Variants in PTGIR observed in about 807,000 individuals in gnomAD.
The protein encoded by PTGIR is prostaglandin I2 receptor, also known as prostacyclin receptor.
In PTGIR, 16 loss-of-function variants were observed where a neutral mutation model predicts 17.6. The observed-to-expected ratio is 0.91, with a 90% CI of 0.61 to 1.38. The LOEUF is 1.38. Ranked by LOEUF, PTGIR falls within the 40% of genes most tolerant of loss-of-function variation. The probability of loss-of-function intolerance (pLI) is 0.00; values close to 1 mark genes in which losing one functional copy is unlikely to be tolerated. For synonymous variants in PTGIR, 274 were observed against 255.4 expected, an observed-to-expected ratio of 1.07 and a Z score of -0.69; for missense variants, 532 against 548.6, an observed-to-expected ratio of 0.97 and a Z score of 0.30.
At chr19:46,618,767 G>A (rs188606029), downstream of PTGIR, among the ~76,000 whole-genome samples, 26 of 152,166 alleles carry the variant, frequency 1.7e-4, no homozygotes, top group African/African-American at 6.3e-4. Context: ...ACCCCAAAGG[G>A]GAACCCCAAG....
At chr19:46,611,390 C>A in the PTGIR span, among the ~76,000 whole-genome samples, 1 of 152,170 alleles carries the variant, frequency 6.6e-6, no homozygotes, top group Non-Finnish European at 1.5e-5. Flanking sequence ...TTTAGTCTCA[C>A]AGGCAGCCAA....
downstream of PTGIR, chr19:46,620,362 A>T (rs528922729): frequency 9.8e-5 from 90 of 920,902 alleles, no homozygotes; most frequent in South Asian, 3.7e-3. Context: ...TGAACCTCCC[A>T]AAGTGCTGGG....
chr19:46,623,287 G>A (rs563763712), intron 2 of PTGIR, 171 bp downstream of exon 2: 13 of 769,512 alleles, frequency 1.7e-5, no homozygotes, highest in East Asian at 6.1e-5. Context: ...GTGAGCCACC[G>A]CATCCGGTCC....
At position 46,620,849 on chromosome 19, in the gene PTGIR, G is replaced by A; in HGVS notation, c.*431C>T. On this transcript the variant is annotated 3_prime_UTR_variant, in exon 3 of 3. Transcript: ENST00000291294. ...CAGAAAGGGGCTGGCTCTTGGAGTGGCTTGGTAGAGGGGGAGGGCCATCCC... is the reference window on the plus strand; with the variant it reads ...CAGAAAGGGGCTGGCTCTTGGAGTGACTTGGTAGAGGGGGAGGGCCATCCC... 2 of 989,630 alleles carry A rather than the reference G, an allele frequency of 2.0e-6. No homozygotes were observed. The highest frequency in any genetic ancestry group is 2.4e-6 in the Non-Finnish European group (2 of 832,732). 61.3% of individuals were successfully genotyped at this position (989,630 alleles called of 1,614,324 possible).
chr19:46,621,537 G>T lies in PTGIR; in HGVS notation c.904C>A (p.Arg302=), dbSNP rs768558864. The change falls in exon 3 of 3, where the codon CGA becomes AGA. Residue 302 remains arginine, a synonymous_variant. Transcript: ENST00000291294. The surrounding 1 kb of genome is among the most constrained non-coding windows in gnomAD (Gnocchi z 4.8). ...FILFRKAVFQ[R]LKLWVCCLCL... is the part of the protein sequence containing the mutation. Reference sequence around the variant, plus strand: ...AGGCAGCAGACCCAGAGCTTGAGTCGCTGGAAGACAGCCTTGCGGAAAAGG... The same window carrying T: ...AGGCAGCAGACCCAGAGCTTGAGTCTCTGGAAGACAGCCTTGCGGAAAAGG... 5.6e-6 allele frequency: 9 copies of T among 1,614,172 alleles called. No individual in the cohort carries two copies. The South Asian group carries it at 9.9e-5, about 18-fold the overall frequency.
At chr19:46,623,239 C>T (rs2052751113) in intron 2 of PTGIR, 4 of 474,600 alleles carry the variant, frequency 8.4e-6, no homozygotes, top group East Asian at 3.5e-5. Flanking sequence ...TCAAATGATC[C>T]GCCGGCCTCG....
chr19:46,621,197 T>A lies in PTGIR; in HGVS notation c.*83A>T, dbSNP rs1397906982. 2.1e-6 allele frequency: 3 copies of A among 1,437,956 alleles called. No homozygotes were observed. In the East Asian group the frequency reaches 7.3e-5, roughly 35 times the overall value. The allele number at this position is 1,437,956 out of a possible 1,614,324, so 89.1% of individuals were successfully genotyped here. A position where few individuals can be genotyped will look rare whatever the true frequency, so the allele number is the denominator to read the frequency against. Reference sequence around the variant, plus strand: ...GAGTTTGGGGGCCAAGGTTCCAGCATCCGCAGCCATCAGCCATGTCCCTGA... The same window carrying A: ...GAGTTTGGGGGCCAAGGTTCCAGCAACCGCAGCCATCAGCCATGTCCCTGA... On this transcript the variant is annotated 3_prime_UTR_variant, in exon 3 of 3. Coordinates refer to ENST00000291294, the MANE Select transcript of PTGIR (RefSeq NM_000960.4). This position sits in a 1 kb window ranked among gnomAD's most constrained non-coding sequence, Gnocchi z 4.8.
Position 46,622,473 on chromosome 19 carries a change from G to A in PTGIR, c.769-801C>T, listed in dbSNP as rs528040780. 2.8e-5 allele frequency: 25 copies of A among 899,148 alleles called. No homozygotes were observed. In the South Asian group the frequency reaches 1.2e-3, roughly 44 times the overall value. The allele number at this position is 899,148 out of a possible 1,614,324, so 55.7% of individuals were successfully genotyped here. ...TATGATCATTTTGAAAATTATCTTA[G>A]GAAGTATCTGTAAGCCACTAAGCAC... On this transcript the variant is annotated intron_variant, in intron 2 of 2. Coordinates refer to ENST00000291294, the MANE Select transcript of PTGIR (RefSeq NM_000960.4).
chr19:46,618,156 A>G (rs1971990287), downstream of PTGIR, among the ~76,000 whole-genome samples: 1 of 151,896 alleles, frequency 6.6e-6, no homozygotes, highest in Admixed American at 6.6e-5. Flanking sequence ...CTGGGACTAC[A>G]GGCGCCCGCC....
downstream of PTGIR, among the ~76,000 whole-genome samples, chr19:46,619,655 A>AAGAAAGAG (rs1972029336): frequency 3.2e-5 from 2 of 62,438 alleles, no homozygotes; most frequent in African/African-American, 1.3e-4. Flanking sequence ...GAAAGAAAGA[A>AAGAAAGAG]AAGAAAGAAA....
chr19:46,621,951 G>A lies in PTGIR; in HGVS notation c.769-279C>T. The A allele has an allele frequency of 8.1e-7, 1 of 1,238,264 alleles. No homozygotes were observed. Among genetic ancestry groups the A allele is most frequent in the Non-Finnish European group, 1.0e-6 (1 of 987,858 alleles). The allele number at this position is 1,238,264 out of a possible 1,614,324, so 76.7% of individuals were successfully genotyped here. On this transcript the variant is annotated intron_variant, in intron 2 of 2. Transcript: ENST00000291294. The surrounding 1 kb of genome is among the most constrained non-coding windows in gnomAD (Gnocchi z 4.8). ...GGACCCTCGGGCTCCACAGATTTTT[G>A]AGTATAACGTCCCTGCAAGAAGGTG...
At chr19:46,615,102 T>C in the PTGIR span, among the ~76,000 whole-genome samples, 190 of 152,254 alleles carry the variant, frequency 1.2e-3, no homozygotes, top group African/African-American at 4.3e-3. Flanking sequence ...GGCCCAAGAA[T>C]TGCTTGAACC....
chr19:46,619,645 G>GA (rs1428630470), downstream of PTGIR, among the ~76,000 whole-genome samples: 1 of 138,862 alleles, frequency 7.2e-6, no homozygotes, highest in Non-Finnish European at 1.6e-5. Flanking sequence ...AAGAAAGAAA[G>GA]AAAGAAAGAA....
Position 46,621,180 on chromosome 19 carries a change from G to A in PTGIR, c.*100C>T, listed in dbSNP as rs2052721914. On this transcript the variant is annotated 3_prime_UTR_variant, in exon 3 of 3. Coordinates refer to ENST00000291294, the MANE Select transcript of PTGIR (RefSeq NM_000960.4). This position sits in a 1 kb window ranked among gnomAD's most constrained non-coding sequence, Gnocchi z 4.8. ...GCAGCTGATCGGCCCCAGAGTTTGG[G>A]GGCCAAGGTTCCAGCATCCGCAGCC... 1.4e-6 allele frequency: 2 copies of A among 1,423,428 alleles called. No homozygotes were observed. Among genetic ancestry groups the A allele is most frequent in the Non-Finnish European group, 1.8e-6 (2 of 1,085,006 alleles). 88.2% of individuals were successfully genotyped at this position (1,423,428 alleles called of 1,614,324 possible).
chr19:46,614,228 G>A, the PTGIR span, among the ~76,000 whole-genome samples: 3 of 152,134 alleles, frequency 2.0e-5, no homozygotes, highest in Non-Finnish European at 4.4e-5. Context: ...GGATCCTCGG[G>A]CTCCCAAGGA....
chr19:46,612,055 G>A, the PTGIR span, among the ~76,000 whole-genome samples: 2 of 152,374 alleles, frequency 1.3e-5, no homozygotes, highest in East Asian at 1.9e-4. Context: ...CGAGGGTGGA[G>A]ACATTGGGAG....
downstream of PTGIR, among the ~76,000 whole-genome samples, chr19:46,619,507 AAG>A (rs1447550079): frequency 1.7e-4 from 9 of 54,220 alleles, no homozygotes; most frequent in Non-Finnish European, 2.2e-4. Context: ...AAAAGAAAGA[AAG>A]AAAGAAAGAA....
chr19:46,612,569 C>T, the PTGIR span, among the ~76,000 whole-genome samples: 1 of 152,210 alleles, frequency 6.6e-6, no homozygotes, highest in South Asian at 2.1e-4. Context: ...GGAAGTGACA[C>T]AGCCGGAATC....
rs1286881391 is a variant in PTGIR at position 46,621,635 on chromosome 19, C to A, written c.806G>T (p.Ser269Ile). The change falls in exon 3 of 3, where the codon AGC becomes ATC. Residue 269 changes from serine to isoleucine, a missense_variant. Physicochemically the swap from Ser to Ile is moderately radical, Grantham distance 142. Transcript: ENST00000291294. This position sits in a 1 kb window ranked among gnomAD's most constrained non-coding sequence, Gnocchi z 4.8. ...GGCAAGGAGGTCCCCCATCTCACTG[C>A]TGCTGTCAGGGGCGACAGCCTGGGT... ...CFTQAVAPDS[S>I]SEMGDLLAFR... is the part of the protein sequence containing the mutation. 3 of 1,613,296 alleles carry A rather than the reference C, an allele frequency of 1.9e-6. No homozygotes were observed. The highest frequency in any genetic ancestry group is 2.5e-6 in the Non-Finnish European group (3 of 1,179,944).
Sources: gnomAD v4.1 joint callset for allele counts (sites outside exome capture counted in the v4.1 genomes callset) on GRCh38, gnomAD v4.1.1 for gene constraint, Gnocchi (gnomAD v3.1) non-coding constraint, MANE v1.5 for transcripts, NCBI Gene and HGNC (gene_info 2026-07-23, HGNC 2026-07-21) for gene names.